Variants in KCNH7 observed in about 807,000 individuals in gnomAD.
KCNH7 encodes the protein voltage-gated inwardly rectifying potassium channel KCNH7.
In KCNH7, 49 loss-of-function variants were observed where a neutral mutation model predicts 120.8. That is an observed-to-expected ratio of 0.41 (90% CI 0.32 to 0.51). KCNH7 has a LOEUF of 0.51. Ranked by LOEUF, KCNH7 falls within the 20% of genes least tolerant of loss-of-function variation. The pLI is 0.38. For missense variants in KCNH7, 1,097 were observed against 1,446.6 expected (o/e 0.76, Z 3.92); for synonymous variants, 547 against 516.1 (o/e 1.06, Z -0.81).
intron 2 of KCNH7, among the ~76,000 whole-genome samples, chr2:162,831,904 A>C (rs1244631456): frequency 6.6e-6 from 1 of 152,146 alleles, no homozygotes; most frequent in Non-Finnish European, 1.5e-5. Flanking sequence ...TGATAAACAA[A>C]GCTCAGCCAC....
intron 4 of KCNH7, among the ~76,000 whole-genome samples, chr2:162,513,442 C>A (rs1241729078): frequency 7.6e-6 from 1 of 132,422 alleles, no homozygotes; most frequent in Non-Finnish European, 1.6e-5. Flanking sequence ...TCCTTCCTTC[C>A]TTCCTTCCTT....
intron 6 of KCNH7, among the ~76,000 whole-genome samples, chr2:162,498,734 A>C (rs1690580601): frequency 6.6e-6 from 1 of 152,110 alleles, no homozygotes; most frequent in South Asian, 2.1e-4. Flanking sequence ...GGACACTGGA[A>C]GAAAGAAGGT....
chr2:162,580,187 C>A (rs1490977090), intron 2 of KCNH7, among the ~76,000 whole-genome samples: 1 of 152,018 alleles, frequency 6.6e-6, no homozygotes, highest in African/African-American at 2.4e-5. Flanking sequence ...TCTGGCAGTG[C>A]TAACTTGTTT....
At chr2:162,752,005 A>AT (rs1482302714) in intron 2 of KCNH7, among the ~76,000 whole-genome samples, 1 of 152,080 alleles carries the variant, frequency 6.6e-6, no homozygotes, top group African/African-American at 2.4e-5. Context: ...TTTCTTAAGT[A>AT]TTTGCTTGTT....
At chr2:162,814,811 G>A (rs980917293) in intron 2 of KCNH7, among the ~76,000 whole-genome samples, 2 of 152,102 alleles carry the variant, frequency 1.3e-5, no homozygotes, top group Non-Finnish European at 2.9e-5. Context: ...GAGGGGGTGA[G>A]CAGCAGTCTT....
intron 2 of KCNH7, among the ~76,000 whole-genome samples, chr2:162,812,732 T>C (rs879931938): frequency 2.0e-5 from 3 of 151,962 alleles, no homozygotes; most frequent in Admixed American, 2.0e-4. Flanking sequence ...AAAGTACAGA[T>C]GAGAAATCAA....
chr2:162,466,623 A>C (rs1273235813), intron 6 of KCNH7, among the ~76,000 whole-genome samples: 3 of 152,212 alleles, frequency 2.0e-5, no homozygotes, highest in African/African-American at 7.2e-5. Flanking sequence ...TTTTCCATAG[A>C]TGCAGAATGA....
intron 2 of KCNH7, among the ~76,000 whole-genome samples, chr2:162,610,905 A>T (rs13020802): frequency 0.63 from 95,558 of 152,034 alleles, 31,413 homozygotes; most frequent in African/African-American, 0.82. Context: ...CCAGGTTCAG[A>T]GAAAACACAA....
chr2:162,711,640 G>A (rs6705637), intron 2 of KCNH7, among the ~76,000 whole-genome samples: 5,440 of 152,260 alleles, frequency 0.036, 317 homozygotes, highest in African/African-American at 0.12. Context: ...CACAAGTCAT[G>A]TTACTCTTTA....
intron 2 of KCNH7, among the ~76,000 whole-genome samples, chr2:162,767,097 G>T (rs1466767593): frequency 6.6e-6 from 1 of 151,964 alleles, no homozygotes; most frequent in Non-Finnish European, 1.5e-5. Flanking sequence ...CCCATAATAT[G>T]AATGTAAAAT....
chr2:162,528,259 C>G (rs1272076433), intron 3 of KCNH7: 1 of 151,938 alleles, frequency 6.6e-6, no homozygotes, highest in Admixed American at 6.6e-5. Context: ...GGGTTATGGG[C>G]CACTTCAAAT....
chr2:162,681,094 C>T (rs1184550351), intron 2 of KCNH7, among the ~76,000 whole-genome samples: 1 of 151,546 alleles, frequency 6.6e-6, no homozygotes, highest in Non-Finnish European at 1.5e-5. Context: ...AAGTTTATTG[C>T]TCATTTCTGA....
chr2:162,585,430 A>C (rs1458718409), intron 2 of KCNH7, among the ~76,000 whole-genome samples: 1 of 152,100 alleles, frequency 6.6e-6, no homozygotes, highest in East Asian at 1.9e-4. Context: ...TGTTCAATAA[A>C]ATGTAATAAA....
intron 2 of KCNH7, among the ~76,000 whole-genome samples, chr2:162,694,876 T>G (rs1337011412): frequency 6.6e-6 from 1 of 152,086 alleles, no homozygotes; most frequent in Non-Finnish European, 1.5e-5. Flanking sequence ...CCTGAGTAGC[T>G]GGGACCACAG....
chr2:162,820,185 G>A (rs987272038), intron 2 of KCNH7, among the ~76,000 whole-genome samples: 2 of 145,526 alleles, frequency 1.4e-5, no homozygotes, highest in African/African-American at 2.5e-5. Flanking sequence ...GATTACAGGC[G>A]CCCAGCACCA....
intron 2 of KCNH7, among the ~76,000 whole-genome samples, chr2:162,813,064 C>T (rs1343591412): frequency 6.6e-6 from 1 of 152,118 alleles, no homozygotes; most frequent in Non-Finnish European, 1.5e-5. Flanking sequence ...GATAATAAAC[C>T]TCTCTATTCT....
rs1689036059 is a variant in KCNH7, at chr2:162,458,193, G to C, written c.1129-11750C>G. On this transcript the variant is annotated intron_variant, in intron 6 of 15. Coordinates refer to ENST00000332142, the MANE Select transcript of KCNH7 (RefSeq NM_033272.4). ...CATTTAGATTCAGGTTCAGCTAAGTGTTTAGCATTTTGTTTTGTATATTAG... is the reference window on the plus strand; with the variant it reads ...CATTTAGATTCAGGTTCAGCTAAGTCTTTAGCATTTTGTTTTGTATATTAG... 2.0e-5 allele frequency among the ~76,000 whole-genome samples: 3 copies of C among 151,666 alleles called. No individual in the cohort carries two copies. The East Asian group carries it at 5.8e-4, about 29-fold the overall frequency.
intron 6 of KCNH7, among the ~76,000 whole-genome samples, chr2:162,488,950 T>C (rs1287354798): frequency 6.6e-6 from 1 of 152,220 alleles, no homozygotes; most frequent in Non-Finnish European, 1.5e-5. Context: ...CAGGATTTCA[T>C]ATAGATATGT....
At chr2:162,576,455 T>A (rs1693674012) in intron 2 of KCNH7, among the ~76,000 whole-genome samples, 1 of 152,094 alleles carries the variant, frequency 6.6e-6, no homozygotes, top group African/African-American at 2.4e-5. Context: ...TACTTGGAAT[T>A]GGACCTATTC....
Sources: allele counts gnomAD v4.1 joint callset (sites outside exome capture counted in the v4.1 genomes callset), GRCh38; gene constraint gnomAD v4.1.1; transcripts MANE v1.5; gene names NCBI Gene and HGNC (gene_info 2026-07-23, HGNC 2026-07-21).